Variants in CDK14 observed in about 807,000 individuals in gnomAD.
CDK14 encodes the protein cyclin dependent kinase 14, also known as cyclin-dependent kinase 14.
CDK14 carries 34 observed loss-of-function variants against 60.7 expected under a neutral mutation model. The observed-to-expected ratio is 0.56, with a 90% CI of 0.43 to 0.75. The LOEUF (loss-of-function observed/expected upper bound fraction) is 0.75. CDK14 is among the 30% of genes least tolerant of loss of function. The probability of loss-of-function intolerance (pLI) is 0.00; values close to 1 mark genes in which losing one functional copy is unlikely to be tolerated. For missense variants in CDK14, 482 were observed against 564.1 expected, an observed-to-expected ratio of 0.85 and a Z score of 1.47; for synonymous variants, 197 against 203.7, an observed-to-expected ratio of 0.97 and a Z score of 0.28.
At chr7:90,798,592 G>C (rs1157474358) in intron 5 of CDK14, among the ~76,000 whole-genome samples, 4 of 152,146 alleles carry the variant, frequency 2.6e-5, no homozygotes, top group Admixed American at 1.3e-4. Context: ...TTTCAGAATA[G>C]GAAAGCACCA....
intron 2 of CDK14, among the ~76,000 whole-genome samples, chr7:90,707,354 T>TA (rs1801921043): frequency 6.6e-6 from 1 of 152,062 alleles, no homozygotes; most frequent in South Asian, 2.1e-4. Flanking sequence ...GAATGCCTCT[T>TA]ACCTCTGTTG....
chr7:90,930,258 C>A, intron 8 of CDK14, among the ~76,000 whole-genome samples: 1 of 151,828 alleles, frequency 6.6e-6, no homozygotes, highest in Admixed American at 6.6e-5. Flanking sequence ...GCATAGATTG[C>A]CAAAATGTAT....
At chr7:91,015,404 C>A (rs542717789) in intron 10 of CDK14, among the ~76,000 whole-genome samples, 2 of 152,004 alleles carry the variant, frequency 1.3e-5, no homozygotes, top group Non-Finnish European at 2.9e-5. Flanking sequence ...TTGTACTTAC[C>A]CTATATGCCA....
At chr7:91,182,371 T>C (rs182546500) in intron 14 of CDK14, among the ~76,000 whole-genome samples, 17 of 151,224 alleles carry the variant, frequency 1.1e-4, no homozygotes, top group Non-Finnish European at 2.4e-4. Context: ...GATAGATAGG[T>C]TTTTTTTTCT....
chr7:90,897,245 T>A (rs984338993), intron 6 of CDK14, among the ~76,000 whole-genome samples: 9 of 152,148 alleles, frequency 5.9e-5, no homozygotes, highest in Admixed American at 4.6e-4. Context: ...ATATCAAAAG[T>A]ATAAATAAAC....
At chr7:90,674,383 T>G (rs1251593115) in intron 2 of CDK14, among the ~76,000 whole-genome samples, 1 of 152,156 alleles carries the variant, frequency 6.6e-6, no homozygotes, top group African/African-American at 2.4e-5. Flanking sequence ...TCAGTAAATC[T>G]TATCAGTCTT....
At chr7:90,959,796 AC>A (rs1379833070) in intron 9 of CDK14, among the ~76,000 whole-genome samples, 18 of 152,306 alleles carry the variant, frequency 1.2e-4, no homozygotes, top group African/African-American at 4.3e-4. Context: ...CAATGAACAA[AC>A]AACCCTGTGT....
chr7:90,932,887 C>T (rs906934653), intron 8 of CDK14, among the ~76,000 whole-genome samples: 3 of 152,154 alleles, frequency 2.0e-5, no homozygotes, highest in African/African-American at 7.2e-5. Context: ...CTGCGAGCCT[C>T]TCACAGACAC....
chr7:90,753,947 G>A (rs1180751792), intron 4 of CDK14, among the ~76,000 whole-genome samples: 1 of 152,150 alleles, frequency 6.6e-6, no homozygotes, highest in African/African-American at 2.4e-5. Flanking sequence ...TCTGCAAGGA[G>A]TACTACAAAA....
At chr7:91,096,042 T>C (rs1798974989) in intron 12 of CDK14, among the ~76,000 whole-genome samples, 1 of 135,028 alleles carries the variant, frequency 7.4e-6, no homozygotes, top group South Asian at 2.4e-4. Flanking sequence ...TTTCAGTTAT[T>C]TATCTATATT....
At chr7:90,823,166 T>C (rs142453299) in intron 5 of CDK14, among the ~76,000 whole-genome samples, 2 of 152,308 alleles carry the variant, frequency 1.3e-5, no homozygotes, top group East Asian at 3.9e-4. Flanking sequence ...ATCCAGATGC[T>C]TCTGGATATT....
chr7:91,169,066 A>G (rs1424306483), intron 14 of CDK14, among the ~76,000 whole-genome samples: 1 of 152,228 alleles, frequency 6.6e-6, no homozygotes, highest in African/African-American at 2.4e-5. Flanking sequence ...TCTTGTGGAT[A>G]ATAAATCCAT....
chr7:90,677,548 T>C (rs1239131601), intron 2 of CDK14, among the ~76,000 whole-genome samples: 1 of 152,234 alleles, frequency 6.6e-6, no homozygotes, highest in African/African-American at 2.4e-5. Context: ...GTGATTTTAC[T>C]GAGGCCTCTT....
chr7:90,761,331 G>GTT (rs5885744), intron 4 of CDK14, among the ~76,000 whole-genome samples: 109 of 144,824 alleles, frequency 7.5e-4, no homozygotes, highest in Middle Eastern at 3.6e-3. Context: ...ACTCTTTGGG[G>GTT]TTTTTTTTTT....
intron 14 of CDK14, among the ~76,000 whole-genome samples, chr7:91,196,349 A>G (rs1180500437): frequency 6.6e-6 from 1 of 152,256 alleles, no homozygotes; most frequent in African/African-American, 2.4e-5. Context: ...AGGCAGGTCA[A>G]GCCAGTTCCA....
chr7:90,742,843 G>A (rs2374295), intron 3 of CDK14, among the ~76,000 whole-genome samples: 138,911 of 151,974 alleles, frequency 0.91, 63,601 homozygotes, highest in East Asian at 1. Context: ...CATTTATTGT[G>A]TATATTTAAG....
At chr7:90,853,814 A>G (rs934188072) in intron 5 of CDK14, among the ~76,000 whole-genome samples, 5 of 152,170 alleles carry the variant, frequency 3.3e-5, no homozygotes, top group African/African-American at 1.2e-4. Context: ...ATAGGACTCC[A>G]TGAATCTGCA....
At chr7:90,731,213 T>C (rs1161931019) in intron 3 of CDK14, among the ~76,000 whole-genome samples, 2 of 152,216 alleles carry the variant, frequency 1.3e-5, no homozygotes, top group African/African-American at 4.8e-5. Context: ...TTGGTCTATA[T>C]ATCTGTTTTT....
intron 9 of CDK14, among the ~76,000 whole-genome samples, chr7:90,976,502 G>A (rs1279364980): frequency 5.9e-5 from 9 of 151,712 alleles, no homozygotes; most frequent in Non-Finnish European, 1.3e-4. Context: ...ACTACTACAG[G>A]TGCAGTCCCA....
Sources: gnomAD v4.1 joint callset for allele counts (sites outside exome capture counted in the v4.1 genomes callset) on GRCh38, gnomAD v4.1.1 for gene constraint, MANE v1.5 for transcripts, NCBI Gene and HGNC (gene_info 2026-07-23, HGNC 2026-07-21) for gene names.